The following KCNN2 variants were observed in gnomAD, a reference collection of about 807,000 sequenced individuals.
KCNN2 encodes the protein potassium calcium-activated channel subfamily N member 2, also known as small conductance calcium-activated potassium channel protein 2.
A neutral mutation model predicts 55.5 loss-of-function variants in KCNN2; 24 were observed. The observed-to-expected ratio is 0.43, with a 90% CI of 0.31 to 0.61. KCNN2 has a LOEUF of 0.61. KCNN2 is among the 20% of genes least tolerant of loss of function. The pLI is 0.08. For missense variants in KCNN2, 754 were observed against 853.6 expected (o/e 0.88, Z 1.45); for synonymous variants, 431 against 336.1 (o/e 1.28, Z -3.09).
intron 2 of KCNN2, among the ~76,000 whole-genome samples, chr5:114,295,921 A>C (rs957744450): frequency 6.6e-6 from 1 of 152,210 alleles, no homozygotes; most frequent in Non-Finnish European, 1.5e-5. Flanking sequence ...ATGGATAAAT[A>C]ATATTTCAAG....
chr5:114,190,306 G>A (rs1753424689), intron 1 of KCNN2, among the ~76,000 whole-genome samples: 1 of 151,958 alleles, frequency 6.6e-6, no homozygotes, highest in Non-Finnish European at 1.5e-5. Context: ...AAAATAGAAA[G>A]CAACCTAAAT....
intron 1 of KCNN2, among the ~76,000 whole-genome samples, chr5:114,136,355 A>G (rs1752173822): frequency 6.6e-6 from 1 of 152,144 alleles, no homozygotes; most frequent in African/African-American, 2.4e-5. Context: ...CTGCCATGGG[A>G]TGATGCAACA....
chr5:114,493,519 A>T, intron 7 of KCNN2, 47 bp downstream of exon 7: 1 of 1,230,794 alleles, frequency 8.1e-7, no homozygotes, highest in Non-Finnish European at 1.2e-6. Flanking sequence ...GTTGAAATCA[A>T]CCACTTCACA....
intron 2 of KCNN2, among the ~76,000 whole-genome samples, chr5:114,233,914 G>A (rs1754416648): frequency 1.3e-5 from 2 of 151,794 alleles, no homozygotes; most frequent in African/African-American, 2.4e-5. Context: ...ATTCTTTTGA[G>A]TTCTGAGATG....
intron 2 of KCNN2, among the ~76,000 whole-genome samples, chr5:114,353,139 CTTCT>C (rs1757240708): frequency 6.6e-6 from 1 of 151,386 alleles, no homozygotes; most frequent in Admixed American, 6.6e-5. Context: ...ATAAAATTGT[CTTCT>C]TTGTCTCCAG....
At chr5:114,250,124 G>A (rs570551396) in intron 2 of KCNN2, among the ~76,000 whole-genome samples, 33 of 152,208 alleles carry the variant, frequency 2.2e-4, no homozygotes, top group Middle Eastern at 3.4e-3. Flanking sequence ...TAATGATAGT[G>A]TGTATTTTCA....
intron 1 of KCNN2, among the ~76,000 whole-genome samples, chr5:114,145,699 T>C (rs778972690): frequency 3.0e-4 from 45 of 152,146 alleles, no homozygotes; most frequent in Non-Finnish European, 5.9e-4. Context: ...ATAGACCTGA[T>C]AGGAGCGTCC....
At chr5:114,416,591 C>T (rs1759313972) in intron 3 of KCNN2, among the ~76,000 whole-genome samples, 2 of 152,162 alleles carry the variant, frequency 1.3e-5, no homozygotes, top group Admixed American at 1.3e-4. Flanking sequence ...ATACGATATT[C>T]TCAGTGCCAC....
At chr5:114,134,438 T>C (rs558394316) in intron 1 of KCNN2, among the ~76,000 whole-genome samples, 4 of 150,458 alleles carry the variant, frequency 2.7e-5, no homozygotes, top group Admixed American at 6.7e-5. Context: ...TGCAATACTT[T>C]AACTTTGCAA....
At chr5:114,366,767 T>G (rs150582645) in intron 2 of KCNN2, among the ~76,000 whole-genome samples, 1 of 152,232 alleles carries the variant, frequency 6.6e-6, no homozygotes, top group East Asian at 1.9e-4. Flanking sequence ...ATAAAAAGTT[T>G]TAAGCTAATG....
At position 114,385,622 on chromosome 5, in the gene KCNN2, C is replaced by T. The variant is rs1314153960; in HGVS notation, c.1219-18816C>T. On this transcript the variant is annotated intron_variant, in intron 2 of 7. Transcript: ENST00000673685. ...AAAACTATGCCATTCTTTCTGCTTT[C>T]TGTGCCTTTTACCTAGAATATACCA... 2.6e-5 allele frequency among the ~76,000 whole-genome samples: 4 copies of T among 151,968 alleles called. No individual in the cohort carries two copies. In the East Asian group the frequency reaches 5.8e-4, roughly 22 times the overall value.
At chr5:114,305,985 G>T (rs1171007351) in intron 2 of KCNN2, among the ~76,000 whole-genome samples, 1 of 152,094 alleles carries the variant, frequency 6.6e-6, no homozygotes, top group African/African-American at 2.4e-5. Flanking sequence ...TGATCATCAG[G>T]TCTAATAACA....
In KCNN2 at chr5:114,431,032, T is replaced by G. The variant is rs558535403; in HGVS notation, c.1637+26176T>G. 5.3e-5 allele frequency among the ~76,000 whole-genome samples: 8 copies of G among 152,274 alleles called. No individual in the cohort carries two copies. In the East Asian group the frequency reaches 1.3e-3, roughly 26 times the overall value. On this transcript the variant is annotated intron_variant, in intron 3 of 7. Transcript: ENST00000673685. ...TTTTTGCATCTACATTCATGAGAGA[T>G]ATTGGTTGATAGTCTTACGTCCTTA...
At chr5:114,426,372 C>G (rs79290140) in intron 3 of KCNN2, among the ~76,000 whole-genome samples, 4,409 of 152,154 alleles carry the variant, frequency 0.029, 73 homozygotes, top group Non-Finnish European at 0.04. Flanking sequence ...TTCTTTTTAC[C>G]TGTATGTGTT....
At chr5:114,382,333 T>C (rs1415764024) in intron 2 of KCNN2, among the ~76,000 whole-genome samples, 1 of 152,196 alleles carries the variant, frequency 6.6e-6, no homozygotes, top group Admixed American at 6.5e-5. Context: ...TTCCTTTCTG[T>C]GATATACAGC....
At chr5:114,346,926 C>CTTT (rs1757117210) in intron 2 of KCNN2, among the ~76,000 whole-genome samples, 1 of 151,986 alleles carries the variant, frequency 6.6e-6, no homozygotes, top group Admixed American at 6.6e-5. Context: ...GACACAGGGG[C>CTTT]CAACCTGAAG....
intron 1 of KCNN2, among the ~76,000 whole-genome samples, chr5:114,144,173 G>T (rs1354462612): frequency 6.6e-6 from 1 of 152,112 alleles, no homozygotes; most frequent in Non-Finnish European, 1.5e-5. Context: ...ATTCCCAATT[G>T]TGAACAGACT....
chr5:114,473,302 T>G, intron 5 of KCNN2, 138 bp downstream of exon 5: 1 of 652,748 alleles, frequency 1.5e-6, no homozygotes, highest in Non-Finnish European at 2.7e-6. Context: ...TCACTTCCAT[T>G]TTATCACATT....
chr5:114,412,431 A>G (rs957966123), intron 3 of KCNN2, among the ~76,000 whole-genome samples: 3 of 102,694 alleles, frequency 2.9e-5, no homozygotes, highest in African/African-American at 6.5e-5. Context: ...TATGTGATCA[A>G]CTCTGTATCT....
Sources: gnomAD v4.1 joint callset for allele counts (sites outside exome capture counted in the v4.1 genomes callset) on GRCh38, gnomAD v4.1.1 for gene constraint, MANE v1.5 for transcripts, NCBI Gene and HGNC (gene_info 2026-07-23, HGNC 2026-07-21) for gene names.